The following MCC variants were observed in gnomAD, a reference collection of about 807,000 sequenced individuals.
The protein encoded by MCC is MCC regulator of Wnt signaling pathway.
In MCC, 90 loss-of-function variants were observed where a neutral mutation model predicts 116.2. That is an observed-to-expected ratio of 0.77 (90% CI 0.65 to 0.92). MCC has a LOEUF of 0.92. Ranked by LOEUF, MCC falls within the 40% of genes least tolerant of loss-of-function variation. The pLI, the probability that MCC is intolerant of heterozygous loss-of-function variation, is 0.00. For missense variants in MCC, 1,516 were observed against 1,312.2 expected (o/e 1.16, Z -2.40); for synonymous variants, 578 against 510.5 (o/e 1.13, Z -1.78).
At chr5:113,435,930 T>G (rs1451381933) in intron 1 of MCC, 7 of 152,478 alleles carry the variant, frequency 4.6e-5, no homozygotes, top group Non-Finnish European at 5.9e-5. Context: ...CAACCATCAT[T>G]TCTTCTGGCA....
chr5:113,334,873 G>A (rs1207110630), intron 3 of MCC, among the ~76,000 whole-genome samples: 3 of 151,520 alleles, frequency 2.0e-5, no homozygotes, highest in Non-Finnish European at 4.4e-5. Flanking sequence ...TTACAGGCGT[G>A]AGCCACCGTG....
At chr5:113,476,552 T>C (rs190908278) in intron 1 of MCC, among the ~76,000 whole-genome samples, 95 of 152,352 alleles carry the variant, frequency 6.2e-4, no homozygotes, top group East Asian at 1.2e-3. Context: ...AAGTGGATCA[T>C]AGACTTAAAT....
intron 1 of MCC, among the ~76,000 whole-genome samples, chr5:113,443,760 GT>G (rs958627546): frequency 7.2e-5 from 11 of 152,084 alleles, no homozygotes; most frequent in Non-Finnish European, 4.4e-5. Flanking sequence ...TAATCATGTG[GT>G]TTTTGTCATT....
intron 4 of MCC, among the ~76,000 whole-genome samples, chr5:113,145,769 CACACACACACACACAAACA>C (rs757779149): frequency 5.9e-5 from 3 of 51,224 alleles, no homozygotes; most frequent in East Asian, 5.3e-4. Context: ...CACACACACA[CACACACACACACACAAACA>C]CACACACACA....
rs145306160 is a variant in MCC, at chr5:113,222,981, G to A, written c.628-71559C>T. 1.2e-3 allele frequency among the ~76,000 whole-genome samples: 176 copies of A among 152,338 alleles called. 1 individual carries two copies. Among genetic ancestry groups the A allele is most frequent in the African/African-American group, 3.9e-3 (164 of 41,572 alleles). Reference sequence around the variant, plus strand: ...CTATTCCACCCATCATTGCAACTCAGCACCTAGGGCTCAGATATTTTTCTG... The same window carrying A: ...CTATTCCACCCATCATTGCAACTCAACACCTAGGGCTCAGATATTTTTCTG... On this transcript the variant is annotated intron_variant, in intron 3 of 18. Transcript: ENST00000408903.
At chr5:113,207,827 T>C (rs1762974612) in intron 3 of MCC, among the ~76,000 whole-genome samples, 1 of 152,180 alleles carries the variant, frequency 6.6e-6, no homozygotes, top group African/African-American at 2.4e-5. Context: ...TAACAAGATG[T>C]CCTTTGGTAA....
At position 113,024,371 on chromosome 5, in the gene MCC, C is replaced by CTGA. The variant is rs1448790875; in HGVS notation, c.*2928_*2930dup. 3 of 152,228 alleles carry CTGA rather than the reference C, an allele frequency of 2.0e-5. No homozygotes were observed. Among genetic ancestry groups the CTGA allele is most frequent in the African/African-American group, 7.2e-5 (3 of 41,460 alleles). The allele number at this position is 152,228 out of a possible 1,614,324, so 9.4% of individuals were successfully genotyped here. A position where few individuals can be genotyped will look rare whatever the true frequency, so the allele number is the denominator to read the frequency against. On this transcript the variant is annotated 3_prime_UTR_variant, in exon 19 of 19. Transcript: ENST00000408903. ...GATTTTTGTAGCTGGTAAGCTCACACTGATGGCACTCGCAACTACGGACAG... is the reference window on the plus strand; with the variant it reads ...GATTTTTGTAGCTGGTAAGCTCACACTGATGATGGCACTCGCAACTACGGACAG...
intron 3 of MCC, among the ~76,000 whole-genome samples, chr5:113,170,004 A>G (rs1760990569): frequency 6.6e-6 from 1 of 152,214 alleles, no homozygotes; most frequent in African/African-American, 2.4e-5. Context: ...TGGCAAGTAC[A>G]TGATACCTCA....
At chr5:113,107,221 CTTTTTTTTTTTTTT>C (rs1467812443) in intron 6 of MCC, among the ~76,000 whole-genome samples, 1 of 97,168 alleles carries the variant, frequency 1.0e-5, no homozygotes, top group Non-Finnish European at 2.0e-5. Flanking sequence ...TTTTTTTTTT[CTTTTTTTTTTTTTT>C]GAGATGGAGT....
At chr5:113,420,921 A>T (rs1206899146) in intron 1 of MCC, among the ~76,000 whole-genome samples, 1 of 152,198 alleles carries the variant, frequency 6.6e-6, no homozygotes, top group Non-Finnish European at 1.5e-5. Context: ...GTTAAATATA[A>T]TATATTCAAG....
intron 3 of MCC, among the ~76,000 whole-genome samples, chr5:113,331,876 G>T (rs976052313): frequency 6.6e-6 from 1 of 151,576 alleles, no homozygotes; most frequent in African/African-American, 2.4e-5. Flanking sequence ...GACCTCAGGT[G>T]ATCCGCCCAC....
intron 4 of MCC, among the ~76,000 whole-genome samples, chr5:113,145,534 C>A (rs1024823275): frequency 3.9e-5 from 6 of 152,128 alleles, no homozygotes; most frequent in Non-Finnish European, 8.8e-5. Flanking sequence ...CAAGAAACTA[C>A]AAAGTCCAAT....
At chr5:113,355,110 G>A (rs1768380375) in intron 2 of MCC, among the ~76,000 whole-genome samples, 1 of 152,086 alleles carries the variant, frequency 6.6e-6, no homozygotes, top group South Asian at 2.1e-4. Flanking sequence ...CATTTTGCCT[G>A]TATTTTGACA....
chr5:113,479,628 G>C (rs777707665), intron 1 of MCC, among the ~76,000 whole-genome samples: 1 of 152,204 alleles, frequency 6.6e-6, no homozygotes, highest in Non-Finnish European at 1.5e-5. Flanking sequence ...TACCTCAAGG[G>C]GAGTTCTGTA....
At chr5:113,065,755 G>A (rs371199056) in intron 13 of MCC, among the ~76,000 whole-genome samples, 1 of 152,244 alleles carries the variant, frequency 6.6e-6, no homozygotes, top group Admixed American at 6.5e-5. Flanking sequence ...TGTCACAAAT[G>A]AGTTCCTGCT....
intron 3 of MCC, among the ~76,000 whole-genome samples, chr5:113,257,962 C>G (rs1188041317): frequency 6.6e-6 from 1 of 152,124 alleles, no homozygotes; most frequent in African/African-American, 2.4e-5. Context: ...TGGTGACAAG[C>G]TGAGGAAGCC....
At chr5:113,047,624 G>T (rs1752182411) in intron 16 of MCC, among the ~76,000 whole-genome samples, 1 of 152,206 alleles carries the variant, frequency 6.6e-6, no homozygotes, top group Non-Finnish European at 1.5e-5. Context: ...TATTAGACTA[G>T]CAAGTTGGCA....
Position 113,349,203 on chromosome 5 carries a change from G to A in MCC, c.416-8473C>T, listed in dbSNP as rs1768206980. ...GAACACTTCCATACTCATTCTATGA[G>A]GCCAGTATTATCCCGATACCAAAAC... On this transcript the variant is annotated intron_variant, in intron 2 of 18. Transcript: ENST00000408903. Among the ~76,000 whole-genome samples, 3 of 152,066 alleles carry A rather than the reference G, an allele frequency of 2.0e-5. No individual in the cohort carries two copies. In the South Asian group the frequency reaches 6.2e-4, roughly 32 times the overall value.
rs77111114 is a variant in MCC at position 113,404,487 on chromosome 5, A to G, written c.171-19275T>C. On this transcript the variant is annotated intron_variant, in intron 1 of 18. Coordinates refer to ENST00000408903, the MANE Select transcript of MCC (RefSeq NM_001085377.2). ...CAGTGACAAAGGCCAGATCTAGGAT[A>G]TAAAAGCAAAGGTCACTCTCACAGC... 6.6e-3 allele frequency among the ~76,000 whole-genome samples: 1,011 copies of G among 152,346 alleles called. 8 individuals carry two copies. Among genetic ancestry groups the G allele is most frequent in the African/African-American group, 0.023 (946 of 41,588 alleles).
Sources: allele counts gnomAD v4.1 joint callset (sites outside exome capture counted in the v4.1 genomes callset), GRCh38; gene constraint gnomAD v4.1.1; transcripts MANE v1.5; gene names NCBI Gene and HGNC (gene_info 2026-07-23, HGNC 2026-07-21).